The following ST8SIA3 variants were observed in gnomAD, a reference collection of about 807,000 sequenced individuals.
The protein encoded by ST8SIA3 is alpha-N-acetylneuraminate alpha-2,8-sialyltransferase ST8SIA3.
Under a neutral mutation model 34.5 loss-of-function variants are expected in ST8SIA3, and 17 were observed. The ratio of observed to expected loss-of-function variants is 0.49; its 90% CI spans 0.34 to 0.74. The LOEUF is 0.74. Ranked by LOEUF, ST8SIA3 falls within the 30% of genes least tolerant of loss-of-function variation. ST8SIA3 has a pLI of 0.01. For synonymous variants in ST8SIA3, 172 were observed against 176.1 expected, an observed-to-expected ratio of 0.98 and a Z score of 0.19; for missense variants, 354 against 467.8, an observed-to-expected ratio of 0.76 and a Z score of 2.24.
chr18:57,362,579 G>C lies in ST8SIA3; in HGVS notation c.*2302G>C, dbSNP rs1320571073. 2 of 152,134 alleles carry C rather than the reference G, an allele frequency of 1.3e-5. No individual in the cohort carries two copies. The highest frequency in any genetic ancestry group is 4.8e-5 in the African/African-American group (2 of 41,424). 9.4% of individuals were successfully genotyped at this position (152,134 alleles called of 1,614,324 possible). ...GGGAGATTTTTTAAATCTCCTTGCAGTCTTGGCTCCATCTTAACCTTAGAG... is the reference window on the plus strand; with the variant it reads ...GGGAGATTTTTTAAATCTCCTTGCACTCTTGGCTCCATCTTAACCTTAGAG... On this transcript the variant is annotated 3_prime_UTR_variant, in exon 4 of 4. Coordinates refer to ENST00000324000, the MANE Select transcript of ST8SIA3 (RefSeq NM_015879.3).
At position 57,355,111 on chromosome 18, in the gene ST8SIA3, A is replaced by T. The variant is rs11152013; in HGVS notation, c.302+587A>T. ...ACAGCTTTTAACTTACTGTAAAGGTACCTAACTTAATTCCTACTAATTGTA... is the reference window on the plus strand; with the variant it reads ...ACAGCTTTTAACTTACTGTAAAGGTTCCTAACTTAATTCCTACTAATTGTA... On this transcript the variant is annotated intron_variant, in intron 2 of 3. Transcript: ENST00000324000. 8.6e-3 allele frequency among the ~76,000 whole-genome samples: 1,311 copies of T among 152,310 alleles called. 2 individuals are homozygous for T. Among genetic ancestry groups the T allele is most frequent in the Non-Finnish European group, 0.014 (949 of 68,034 alleles).
chr18:57,353,111 T>C, intron 1 of ST8SIA3, 86 bp downstream of exon 1: 1 of 1,430,950 alleles, frequency 7.0e-7, no homozygotes, highest in Admixed American at 1.8e-5. Context: ...AGGGGTGTTT[T>C]GGCCTCTCCG....
In ST8SIA3 at chr18:57,368,903, A is replaced by AATAAACC. The variant is rs1182057000; in HGVS notation, c.*8629_*8635dup. On this transcript the variant is annotated 3_prime_UTR_variant, in exon 4 of 4. Transcript: ENST00000324000. The stretch of plus-strand genomic sequence containing the variant: ...CACAGTACTGAATGCGTTGTTTTTA[A>AATAAACC]ATAAACCATTTCGTTTTGCTTTGGG... 1 of 152,260 alleles carries AATAAACC rather than the reference A, an allele frequency of 6.6e-6. No homozygotes were observed. The highest frequency in any genetic ancestry group is 2.4e-5 in the African/African-American group (1 of 41,448). The allele number at this position is 152,260 out of a possible 1,614,324, so 9.4% of individuals were successfully genotyped here.
chr18:57,355,999 G>A (rs1352587049), intron 2 of ST8SIA3, among the ~76,000 whole-genome samples: 1 of 152,126 alleles, frequency 6.6e-6, no homozygotes, highest in Non-Finnish European at 1.5e-5. Flanking sequence ...TTTCATTCCT[G>A]CTACATTTAG....
At chr18:57,353,048 G>A in intron 1 of ST8SIA3, 23 bp downstream of exon 1, 1 of 1,596,890 alleles carries the variant, frequency 6.3e-7, no homozygotes, top group Non-Finnish European at 8.5e-7. Context: ...CTCTGTGTTA[G>A]TGCCCTCGGG....
In ST8SIA3 at chr18:57,360,001, G is replaced by T; in HGVS notation, c.867G>T (p.Trp289Cys). 1.9e-6 allele frequency: 3 copies of T among 1,611,068 alleles called. No homozygotes were observed. Among genetic ancestry groups the T allele is most frequent in the Non-Finnish European group, 2.5e-6 (3 of 1,177,484 alleles). The part of the protein sequence containing the change: ...GNIMQHVNRY[W>C]KNKHLSPKRL... ...TGTACTTATTGTTCCACAGGTACTG[G>T]AAAAACAAACATTTGTCACCTAAAC... The change falls in exon 4 of 4, where the codon TGG becomes TGT. Residue 289 changes from tryptophan to cysteine, a missense_variant. By Grantham distance (215) the Trp-to-Cys change is radical. Transcript: ENST00000324000.
Position 57,354,434 on chromosome 18 carries a change from CAT to C in ST8SIA3, c.213_214del (p.Phe72ArgfsTer17). The C allele has an allele frequency of 6.2e-7, 1 of 1,614,162 alleles. No individual in the cohort carries two copies. Among genetic ancestry groups the C allele is most frequent in the East Asian group, 2.2e-5 (1 of 44,876 alleles). ...TTTGCGCTGAAGTTTCTAGACCCGT[CAT>C]TCGTGCCCATTACGAATTCTCTCAC... is the stretch of plus-strand genomic sequence containing the variant. On this transcript the variant is annotated frameshift_variant, in exon 2 of 4. Transcript: ENST00000324000. LOFTEE classifies it high-confidence loss of function.
chr18:57,359,364 C>T (rs1273172578), intron 3 of ST8SIA3, among the ~76,000 whole-genome samples: 4 of 152,106 alleles, frequency 2.6e-5, no homozygotes, highest in African/African-American at 9.7e-5. Flanking sequence ...CAGATTGTGG[C>T]ATGCTGAAGA....
In ST8SIA3 at chr18:57,362,172, G is replaced by T. The variant is rs905990883; in HGVS notation, c.*1895G>T. 6.6e-6 allele frequency: 1 copy of T among 152,108 alleles called. No individual in the cohort carries two copies. Among genetic ancestry groups the T allele is most frequent in the Admixed American group, 6.6e-5 (1 of 15,266 alleles). The allele number at this position is 152,108 out of a possible 1,614,324, so 9.4% of individuals were successfully genotyped here. The stretch of plus-strand genomic sequence containing the variant: ...TGTAATTCAGTGGTATAATTTGATG[G>T]GTATCACAACCACACCGTGTTTGTT... On this transcript the variant is annotated 3_prime_UTR_variant, in exon 4 of 4. Transcript: ENST00000324000.
In ST8SIA3 at chr18:57,362,205, C is replaced by T. The variant is rs1486251795; in HGVS notation, c.*1928C>T. 6.6e-6 allele frequency: 1 copy of T among 152,096 alleles called. No individual in the cohort carries two copies. The highest frequency in any genetic ancestry group is 2.4e-5 in the African/African-American group (1 of 41,412). 9.4% of individuals were successfully genotyped at this position (152,096 alleles called of 1,614,324 possible). ...AACCACACCGTGTTTGTTCCCTGTC[C>T]CTTTGAAGAGGACTGTACTACCATC... On this transcript the variant is annotated 3_prime_UTR_variant, in exon 4 of 4. Transcript: ENST00000324000.
rs759904404 is a variant in ST8SIA3 at position 57,352,772 on chromosome 18, A to G, written c.-75A>G. The G allele has an allele frequency of 7.4e-5, 86 of 1,163,996 alleles. No individual in the cohort carries two copies. The highest frequency in any genetic ancestry group is 1.1e-4 in the Non-Finnish European group (85 of 797,166). 72.1% of individuals were successfully genotyped at this position (1,163,996 alleles called of 1,614,324 possible). A position where few individuals can be genotyped will look rare whatever the true frequency, so the allele number is the denominator to read the frequency against. ...CACACACACACACACACACACACAT[A>G]TATACACGCCAGCGAGCTGCTGGCC... On this transcript the variant is annotated 5_prime_UTR_variant, in exon 1 of 4. It adds an upstream start codon to the 5' untranslated region. Transcript: ENST00000324000.
rs2049824825 is a variant in ST8SIA3 at position 57,360,612 on chromosome 18, C to A, written c.*335C>A. On this transcript the variant is annotated 3_prime_UTR_variant, in exon 4 of 4. Coordinates refer to ENST00000324000, the MANE Select transcript of ST8SIA3 (RefSeq NM_015879.3). ...AGGACTAGAGCTATAGTTTCTGCAG[C>A]TCTGCTCAGATAGTCCTCATAATCA... 4.1e-6 allele frequency: 1 copy of A among 246,208 alleles called. No homozygotes were observed. Among genetic ancestry groups the A allele is most frequent in the Non-Finnish European group, 7.9e-6 (1 of 127,052 alleles). 15.3% of individuals were successfully genotyped at this position (246,208 alleles called of 1,614,324 possible).
At chr18:57,355,950 T>A (rs2049795670) in intron 2 of ST8SIA3, among the ~76,000 whole-genome samples, 1 of 152,208 alleles carries the variant, frequency 6.6e-6, no homozygotes. Flanking sequence ...CATTTTTAAA[T>A]TAAAATTCCA....
Position 57,360,129 on chromosome 18 carries a change from A to G in ST8SIA3, c.995A>G (p.Glu332Gly), listed in dbSNP as rs1372810975. The G allele has an allele frequency of 6.2e-7, 1 of 1,614,162 alleles. No individual in the cohort carries two copies. Among genetic ancestry groups the G allele is most frequent in the African/African-American group, 1.3e-5 (1 of 75,056 alleles). ...TTTGGATTTGACCCCAACACAAGGG[A>G]AGATCTTCCATACCATTACTATGAC... ...WPFGFDPNTR[E>G]DLPYHYYDKK... Residue 332 changes from glutamate to glycine, a missense_variant, in exon 4 of 4, where the codon GAA becomes GGA. Coordinates refer to ENST00000324000, the MANE Select transcript of ST8SIA3 (RefSeq NM_015879.3).
chr18:57,357,143 A>G lies in ST8SIA3; in HGVS notation c.533A>G (p.Gln178Arg). ...SGILTGSQCGQEIDKSDFVFR... is the reference protein window; with the variant it reads ...SGILTGSQCGREIDKSDFVFR... ...ATCCTGACAGGGAGCCAGTGTGGAC[A>G]AGAAATAGATAAATCAGATTTTGTT... is the stretch of plus-strand genomic sequence containing the variant. Residue 178 changes from glutamine to arginine, a missense_variant, in exon 3 of 4, where the codon CAA (glutamine) becomes CGA (arginine). Around this residue, in one of 3 missense-constraint regions of ST8SIA3, gnomAD observed 166 missense variants for 245.2 expected, o/e 0.68. Transcript: ENST00000324000. 1.2e-6 allele frequency: 2 copies of G among 1,614,102 alleles called. No individual in the cohort carries two copies. The highest frequency in any genetic ancestry group is 1.7e-6 in the Non-Finnish European group (2 of 1,179,982).
intron 3 of ST8SIA3, among the ~76,000 whole-genome samples, chr18:57,358,777 T>A (rs146042852): frequency 6.6e-6 from 1 of 152,314 alleles, no homozygotes; most frequent in Non-Finnish European, 1.5e-5. Context: ...CTGCCCTAAA[T>A]GAGCAAGACT....
rs1285407340 is a variant in ST8SIA3, at chr18:57,365,110, C to T, written c.*4833C>T. 1 of 152,180 alleles carries T rather than the reference C, an allele frequency of 6.6e-6. No homozygotes were observed. Among genetic ancestry groups the T allele is most frequent in the Non-Finnish European group, 1.5e-5 (1 of 68,030 alleles). 9.4% of individuals were successfully genotyped at this position (152,180 alleles called of 1,614,324 possible). ...GCAACTCTTCAAAATACAATTCTTG[C>T]CACTCATTCTGGACCTTTGATTCAT... On this transcript the variant is annotated 3_prime_UTR_variant, in exon 4 of 4. Transcript: ENST00000324000.
At chr18:57,354,031 A>G (rs1420991353) in intron 1 of ST8SIA3, among the ~76,000 whole-genome samples, 1 of 152,154 alleles carries the variant, frequency 6.6e-6, no homozygotes, top group East Asian at 1.9e-4. Context: ...AAACAATTCT[A>G]TGGGGCTGCA....
At position 57,363,724 on chromosome 18, in the gene ST8SIA3, T is replaced by G. The variant is rs1255113105; in HGVS notation, c.*3447T>G. The stretch of plus-strand genomic sequence containing the variant: ...GACACTCTCAGACAACAAAGCGGTA[T>G]TGACCTGAGATCAAAGGAAGCAGGG... On this transcript the variant is annotated 3_prime_UTR_variant, in exon 4 of 4. Coordinates refer to ENST00000324000, the MANE Select transcript of ST8SIA3 (RefSeq NM_015879.3). The G allele has an allele frequency of 6.6e-6, 1 of 152,216 alleles. No homozygotes were observed. Among genetic ancestry groups the G allele is most frequent in the African/African-American group, 2.4e-5 (1 of 41,460 alleles). 9.4% of individuals were successfully genotyped at this position (152,216 alleles called of 1,614,324 possible).
Sources: allele counts gnomAD v4.1 joint callset (sites outside exome capture counted in the v4.1 genomes callset), GRCh38; gene constraint gnomAD v4.1.1; regional missense constraint gnomAD v4.1.1; transcripts MANE v1.5; gene names NCBI Gene and HGNC (gene_info 2026-07-23, HGNC 2026-07-21).